Variants in OC90 observed in about 807,000 individuals in gnomAD.
OC90 encodes otoconin-90.
Under a neutral mutation model 47.3 loss-of-function variants are expected in OC90, and 46 were observed. The observed-to-expected ratio is 0.97, with a 90% confidence interval of 0.77 to 1.24. The LOEUF is 1.24. Ranked by LOEUF, OC90 falls within the 50% of genes most tolerant of loss-of-function variation. The pLI, the probability that OC90 is intolerant of heterozygous loss-of-function variation, is 0.00. For missense variants in OC90, 688 were observed against 583.9 expected (o/e 1.18, Z -1.84); for synonymous variants, 271 against 219.5 (o/e 1.23, Z -2.07).
chr8:132,031,872 T>C lies in OC90; in HGVS notation c.1031+9A>G. The C allele has an allele frequency of 6.2e-7, 1 of 1,613,018 alleles. No individual in the cohort carries two copies. Among genetic ancestry groups the C allele is most frequent in the Non-Finnish European group, 8.5e-7 (1 of 1,179,322 alleles). ...CTACACCAGAGCTGTCACCGCTGGC[T>C]CTCCATACCTGTCTAGGTCATCCCT... On this transcript the variant is annotated intron_variant, in intron 12 of 13. Coordinates refer to ENST00000254627, the MANE Select transcript of OC90 (RefSeq NM_001080399.3).
At chr8:132,043,220 C>T (rs1205996340) in intron 4 of OC90, among the ~76,000 whole-genome samples, 1 of 152,234 alleles carries the variant, frequency 6.6e-6, no homozygotes, top group Non-Finnish European at 1.5e-5. Flanking sequence ...GGTGCTTTCA[C>T]TGGCACAGTA....
intron 1 of OC90, among the ~76,000 whole-genome samples, chr8:132,057,134 C>T (rs936722133): frequency 7.2e-5 from 11 of 152,192 alleles, no homozygotes; most frequent in Admixed American, 6.5e-4. Flanking sequence ...AGAGAAGTTG[C>T]TCAAAAGCAT....
chr8:132,036,962 T>C (rs1357134976), intron 9 of OC90, among the ~76,000 whole-genome samples: 1 of 152,270 alleles, frequency 6.6e-6, no homozygotes, highest in African/African-American at 2.4e-5. Context: ...CTCCCCATGC[T>C]TGCTCTCATT....
chr8:132,050,948 C>T (rs1037142208), intron 2 of OC90, among the ~76,000 whole-genome samples: 4 of 152,116 alleles, frequency 2.6e-5, no homozygotes, highest in African/African-American at 9.7e-5. Flanking sequence ...GAGCTGAGAT[C>T]ACGCCATTGC....
intron 1 of OC90, among the ~76,000 whole-genome samples, chr8:132,056,106 G>A (rs1823276452): frequency 6.6e-6 from 1 of 152,174 alleles, no homozygotes; most frequent in African/African-American, 2.4e-5. Flanking sequence ...GCTGGGTAGG[G>A]CTGTACATGT....
intron 6 of OC90, among the ~76,000 whole-genome samples, chr8:132,039,552 A>T (rs1023173093): frequency 6.6e-6 from 1 of 152,150 alleles, no homozygotes; most frequent in African/African-American, 2.4e-5. Context: ...TATTCTGTTC[A>T]GAACGTCCCA....
chr8:132,048,750 G>A (rs550175721), intron 2 of OC90, among the ~76,000 whole-genome samples: 1 of 151,678 alleles, frequency 6.6e-6, no homozygotes, highest in South Asian at 2.1e-4. Context: ...AATATCAGAG[G>A]TTTAGAGAGG....
In OC90 at chr8:132,032,457, C is replaced by A. The variant is rs79162664; in HGVS notation, c.860-405G>T. Among the ~76,000 whole-genome samples, 674 of 152,224 alleles carry A rather than the reference C, an allele frequency of 4.4e-3. 3 individuals carry two copies. The highest frequency in any genetic ancestry group is 0.015 in the African/African-American group (612 of 41,532). On this transcript the variant is annotated intron_variant, in intron 11 of 13. Coordinates refer to ENST00000254627, the MANE Select transcript of OC90 (RefSeq NM_001080399.3). ...CACACCTGGCTGGGCTTGCCTTTCT[C>A]TCCTCTGCCTCTCCGTCTCCCCACT...
At chr8:132,039,524 C>G (rs1823023215) in intron 6 of OC90, among the ~76,000 whole-genome samples, 1 of 152,166 alleles carries the variant, frequency 6.6e-6, no homozygotes, top group Non-Finnish European at 1.5e-5. Flanking sequence ...TTTAGAAATT[C>G]AGGTCCAACC....
At chr8:132,031,609 G>A (rs1822875447) in intron 12 of OC90, among the ~76,000 whole-genome samples, 1 of 152,144 alleles carries the variant, frequency 6.6e-6, no homozygotes, top group South Asian at 2.1e-4. Flanking sequence ...GTACTGAAAG[G>A]GCTCTAGGCC....
At chr8:132,032,760 G>A (rs1282326018) in intron 11 of OC90, among the ~76,000 whole-genome samples, 1 of 152,132 alleles carries the variant, frequency 6.6e-6, no homozygotes, top group Non-Finnish European at 1.5e-5. Context: ...ACGAAGCCAA[G>A]CTCTTTCCCT....
chr8:132,058,348 G>T (rs1823301813), intron 1 of OC90, among the ~76,000 whole-genome samples: 1 of 152,170 alleles, frequency 6.6e-6, no homozygotes, highest in Admixed American at 6.5e-5. Context: ...TTTGCCCAAG[G>T]AAGTCTCTGG....
chr8:132,049,918 T>C (rs1386616889), intron 2 of OC90: 1 of 490,924 alleles, frequency 2.0e-6, no homozygotes. Context: ...GAACTATTTG[T>C]ATAAATGGAT....
chr8:132,032,163 G>A (rs1302741588), intron 11 of OC90, 111 bp from the exon 12 acceptor site: 6 of 923,294 alleles, frequency 6.5e-6, no homozygotes, highest in Non-Finnish European at 1.0e-5. Context: ...TCATGCAAAG[G>A]AACCCCATGT....
intron 2 of OC90, chr8:132,049,787 C>T (rs758802063): frequency 1.8e-5 from 9 of 513,862 alleles, no homozygotes; most frequent in Non-Finnish European, 1.6e-5. Context: ...TCAAGCCAAA[C>T]CACTTAATGA....
At chr8:132,044,776 G>A (rs1410941465) in intron 3 of OC90, among the ~76,000 whole-genome samples, 1 of 152,170 alleles carries the variant, frequency 6.6e-6, no homozygotes, top group East Asian at 1.9e-4. Context: ...ATACCTGGTA[G>A]GAAATCATCA....
rs1220225686 is a variant in OC90, at chr8:132,024,465, CAT to C, written c.*14_*15del. 2 of 1,524,840 alleles carry C rather than the reference CAT, an allele frequency of 1.3e-6. No homozygotes were observed. Among genetic ancestry groups the C allele is most frequent in the Non-Finnish European group, 1.8e-6 (2 of 1,134,720 alleles). The allele number at this position is 1,524,840 out of a possible 1,614,324, so 94.5% of individuals were successfully genotyped here. A position where few individuals can be genotyped will look rare whatever the true frequency, so the allele number is the denominator to read the frequency against. ...GAGCCACGCTACTGAAGGTGTTAGC[CAT>C]TTTCTCTGGGCATCTATCTTCCATG... On this transcript the variant is annotated 3_prime_UTR_variant, in exon 14 of 14. Transcript: ENST00000254627.
intron 2 of OC90, among the ~76,000 whole-genome samples, chr8:132,049,610 T>A (rs1823186264): frequency 6.6e-6 from 1 of 152,266 alleles, no homozygotes; most frequent in African/African-American, 2.4e-5. Flanking sequence ...TTAAAGCAGC[T>A]TTTTGTTCTC....
intron 1 of OC90, among the ~76,000 whole-genome samples, chr8:132,057,473 A>C (rs1361527376): frequency 6.6e-6 from 1 of 152,310 alleles, no homozygotes; most frequent in East Asian, 1.9e-4. Flanking sequence ...GCTCTAATTT[A>C]TTTTTGCAAT....
Sources: gnomAD v4.1 joint callset for allele counts (sites outside exome capture counted in the v4.1 genomes callset) on GRCh38, gnomAD v4.1.1 for gene constraint, MANE v1.5 for transcripts, NCBI Gene and HGNC (gene_info 2026-07-23, HGNC 2026-07-21) for gene names.